The following MAP3K19 variants were observed in gnomAD, a reference collection of about 807,000 sequenced individuals.
MAP3K19 encodes the protein mitogen-activated protein kinase kinase kinase 19.
MAP3K19 carries 91 observed loss-of-function variants against 114.4 expected under a neutral mutation model. The observed-to-expected ratio is 0.80, with a 90% CI of 0.67 to 0.95. The LOEUF (loss-of-function observed/expected upper bound fraction) is 0.95. Ranked by LOEUF, MAP3K19 falls within the 40% of genes least tolerant of loss-of-function variation. MAP3K19 has a pLI of 0.00. For missense variants in MAP3K19, 1,471 were observed against 1,573.2 expected, an observed-to-expected ratio of 0.94 and a Z score of 1.10; for synonymous variants, 518 against 530.5, an observed-to-expected ratio of 0.98 and a Z score of 0.32.
chr2:135,034,240 T>C lies in MAP3K19; in HGVS notation c.-283-3740A>G, dbSNP rs879587826. Among the ~76,000 whole-genome samples the C allele has an allele frequency of 3.5e-3, 427 of 121,222 alleles. 59 individuals carry two copies. Among genetic ancestry groups the C allele is most frequent in the Non-Finnish European group, 4.4e-3 (273 of 62,688 alleles). 79.5% of individuals were successfully genotyped at this position (121,222 alleles called of 152,430 possible). A position where few individuals can be genotyped will look rare whatever the true frequency, so the allele number is the denominator to read the frequency against. On this transcript the variant is annotated intron_variant, in intron 2 of 12. Coordinates refer to ENST00000392915, the MANE Select transcript of MAP3K19 (RefSeq NM_025052.5). ...CCGGGAAGAGGTGCTCCTCACTTCC[T>C]AGATGGGATGGCGGCCGGGCAGAGA...
At chr2:135,007,286 T>C (rs1448997223) in intron 5 of MAP3K19, among the ~76,000 whole-genome samples, 1 of 152,248 alleles carries the variant, frequency 6.6e-6, no homozygotes, top group Non-Finnish European at 1.5e-5. Flanking sequence ...ACTTAAACAT[T>C]GTTTTTTAAT....
rs745787972 is a variant in MAP3K19, at chr2:134,986,695, G to A, written c.2177C>T (p.Pro726Leu). The change falls in exon 10 of 13, where the codon CCA becomes CTA. Residue 726 changes from proline (P) to leucine (L), a missense_variant. Pro to Leu is a moderately conservative substitution (Grantham distance 98). Coordinates refer to ENST00000392915, the MANE Select transcript of MAP3K19 (RefSeq NM_025052.5). The part of the protein sequence containing the change: ...LSQKKTHMKC[P>L]KTSFGIKQEH... ...TTGTTTAATGCCAAATGAAGTCTTT[G>A]GGCATTTCATATGTGTTTTTTTCTG... The A allele has an allele frequency of 1.2e-6, 2 of 1,613,944 alleles. No individual in the cohort carries two copies. The highest frequency in any genetic ancestry group is 2.2e-5 in the East Asian group (1 of 44,890).
chr2:134,978,859 C>T (rs1366868109), intron 12 of MAP3K19, among the ~76,000 whole-genome samples: 1 of 152,172 alleles, frequency 6.6e-6, no homozygotes, highest in Non-Finnish European at 1.5e-5. Flanking sequence ...CCCAAAGACC[C>T]TTTTCTTTAT....
intron 1 of MAP3K19, among the ~76,000 whole-genome samples, chr2:135,044,200 T>G (rs1688696008): frequency 6.6e-6 from 1 of 152,222 alleles, no homozygotes; most frequent in Non-Finnish European, 1.5e-5. Context: ...TCAGAACAGT[T>G]GTATTATTAT....
intron 5 of MAP3K19, among the ~76,000 whole-genome samples, chr2:135,015,422 T>A (rs2105348719): frequency 6.6e-6 from 1 of 152,324 alleles, no homozygotes; most frequent in East Asian, 1.9e-4. Flanking sequence ...GTTTTTAAAT[T>A]TTTTCTGAAT....
At chr2:135,045,862 G>GCA (rs1445341145) in intron 1 of MAP3K19, among the ~76,000 whole-genome samples, 1 of 152,124 alleles carries the variant, frequency 6.6e-6, no homozygotes, top group Non-Finnish European at 1.5e-5. Flanking sequence ...GATGGAATGA[G>GCA]CACATAGCAT....
At chr2:135,025,061 T>C (rs1437508093) in intron 3 of MAP3K19, among the ~76,000 whole-genome samples, 1 of 152,096 alleles carries the variant, frequency 6.6e-6, no homozygotes, top group Non-Finnish European at 1.5e-5. Context: ...AAAACATCTT[T>C]TGTTGTTTTT....
chr2:135,019,612 A>G (rs1236439192), intron 5 of MAP3K19, among the ~76,000 whole-genome samples: 1 of 152,234 alleles, frequency 6.6e-6, no homozygotes, highest in African/African-American at 2.4e-5. Context: ...TGTTTATGCC[A>G]GGGCACTTCG....
intron 5 of MAP3K19, among the ~76,000 whole-genome samples, chr2:135,021,380 T>C (rs1256386941): frequency 1.3e-5 from 2 of 152,014 alleles, no homozygotes; most frequent in Non-Finnish European, 1.5e-5. Context: ...GATCTCAGAC[T>C]TCCAGGACTG....
chr2:135,020,917 A>C (rs897705922), intron 5 of MAP3K19, among the ~76,000 whole-genome samples: 1 of 152,200 alleles, frequency 6.6e-6, no homozygotes, highest in Non-Finnish European at 1.5e-5. Flanking sequence ...TAAATTACCC[A>C]GTCTCAGGTA....
At chr2:135,027,188 T>G (rs1363935883) in intron 3 of MAP3K19, among the ~76,000 whole-genome samples, 1 of 151,366 alleles carries the variant, frequency 6.6e-6, no homozygotes, top group African/African-American at 2.4e-5. Context: ...GAGGTCACAG[T>G]GAGCTATGAT....
chr2:135,026,449 T>C (rs1041681102), intron 3 of MAP3K19, among the ~76,000 whole-genome samples: 7 of 152,198 alleles, frequency 4.6e-5, no homozygotes, highest in African/African-American at 1.7e-4. Context: ...TAACTGATCC[T>C]TTTACAATAT....
At position 134,964,714 on chromosome 2, in the gene MAP3K19, A is replaced by T. The variant is rs965422780; in HGVS notation, c.*136T>A. 1.2e-5 allele frequency: 7 copies of T among 565,238 alleles called. No homozygotes were observed. The highest frequency in any genetic ancestry group is 2.2e-5 in the Non-Finnish European group (7 of 317,980). The allele number at this position is 565,238 out of a possible 1,614,324, so 35.0% of individuals were successfully genotyped here. On this transcript the variant is annotated 3_prime_UTR_variant, in exon 13 of 13. Transcript: ENST00000392915. ...AATATGTAACTGCAACTTTCAGTTA[A>T]TGACTCCATAGGATCTGCTTAAACT...
intron 5 of MAP3K19, among the ~76,000 whole-genome samples, chr2:135,011,492 G>A (rs182862712): frequency 0.041 from 6,070 of 147,170 alleles, 148 homozygotes; most frequent in African/African-American, 0.055. Context: ...AGCCGAGATC[G>A]CGCCACTGTA....
chr2:134,998,785 C>G lies in MAP3K19; in HGVS notation c.527G>C (p.Arg176Thr), dbSNP rs757480570. 8 of 1,608,066 alleles carry G rather than the reference C, an allele frequency of 5.0e-6. No individual in the cohort carries two copies. The highest frequency in any genetic ancestry group is 3.4e-5 in the Admixed American group (2 of 59,434). Residue 176 changes from arginine (R) to threonine (T), a missense_variant, in exon 8 of 13, where the codon AGA becomes ACA. Physicochemically the swap from Arg to Thr is moderately conservative, Grantham distance 71. Transcript: ENST00000392915. ...CTTCAGAAAATGAGGAGCATCTTCT[C>G]TGGTTACAGACTTGGAAATGTTCAG... ...LELNISKSVT[R>T]EDAPHFLKEQ...
chr2:134,978,015 C>T (rs979267873), intron 12 of MAP3K19, among the ~76,000 whole-genome samples: 1 of 152,096 alleles, frequency 6.6e-6, no homozygotes, highest in Non-Finnish European at 1.5e-5. Context: ...ACACTCTGTC[C>T]TCTTGTTTCT....
In MAP3K19 at chr2:134,966,956, G is replaced by C. The variant is rs548456669; in HGVS notation, c.3921-2040C>G. ...CTATGTAGAAAGGAAAGACATAAGA[G>C]ACTCCATTTTGAAAAAGGCCTGTAC... On this transcript the variant is annotated intron_variant, in intron 12 of 12. Transcript: ENST00000392915. Among the ~76,000 whole-genome samples the C allele has an allele frequency of 5.3e-5, 8 of 152,296 alleles. No individual in the cohort carries two copies. In the South Asian group the frequency reaches 8.3e-4, roughly 16 times the overall value.
intron 4 of MAP3K19, among the ~76,000 whole-genome samples, chr2:135,024,269 GTTTC>G (rs1415250291): frequency 2.6e-5 from 4 of 152,178 alleles, no homozygotes; most frequent in African/African-American, 9.7e-5. Flanking sequence ...TGCTGTGGCT[GTTTC>G]TTTGTCTTTG....
chr2:134,969,239 G>A (rs1573903822), intron 12 of MAP3K19, among the ~76,000 whole-genome samples: 2 of 152,132 alleles, frequency 1.3e-5, no homozygotes, highest in African/African-American at 4.8e-5. Flanking sequence ...GTAATCGCAG[G>A]CACTCGGCAG....
Sources: allele counts gnomAD v4.1 joint callset (sites outside exome capture counted in the v4.1 genomes callset), GRCh38; gene constraint gnomAD v4.1.1; transcripts MANE v1.5; gene names NCBI Gene and HGNC (gene_info 2026-07-23, HGNC 2026-07-21).